WDR75: variants seen among roughly 807,000 people sequenced by gnomAD.
WDR75 encodes WD repeat domain 75.
A neutral mutation model predicts 106.1 loss-of-function variants in WDR75; 52 were observed. That is an observed-to-expected ratio of 0.49 (90% CI 0.39 to 0.62). The LOEUF is 0.62. Among genes scored for constraint, WDR75 ranks in the 20% least tolerant of loss-of-function variants. The probability of loss-of-function intolerance (pLI) is 0.00; values close to 1 mark genes in which losing one functional copy is unlikely to be tolerated. For synonymous variants in WDR75, 333 were observed against 335.5 expected (o/e 0.99, Z 0.08); for missense variants, 905 against 970.3 (o/e 0.93, Z 0.89).
At chr2:189,458,968 C>G (rs1330139583) in intron 7 of WDR75, 96 bp downstream of exon 7, 2 of 1,357,954 alleles carry the variant, frequency 1.5e-6, no homozygotes, top group Non-Finnish European at 1.9e-6. Context: ...GAAACAGCCT[C>G]CCTTTCCTTT....
chr2:189,468,269 C>T (rs1235294444), intron 14 of WDR75, among the ~76,000 whole-genome samples: 2 of 152,080 alleles, frequency 1.3e-5, no homozygotes, highest in South Asian at 4.1e-4. Context: ...ATTGGTCATC[C>T]GTTCTGTTTT....
Position 189,450,685 on chromosome 2 carries a change from CTCTT to C in WDR75, c.217-216_217-213del, listed in dbSNP as rs1686600075. On this transcript the variant is annotated intron_variant, in intron 2 of 20. Coordinates refer to ENST00000314761, the MANE Select transcript of WDR75 (RefSeq NM_032168.3). ...GACAGAAAGTTGGCTTTTTTCCTCT[CTCTT>C]TTAGTTAAAACTTGAAATGGATGGA... 12 of 1,351,842 alleles carry C rather than the reference CTCTT, an allele frequency of 8.9e-6. No individual in the cohort carries two copies. The South Asian group carries it at 2.0e-4, about 22-fold the overall frequency. The allele number at this position is 1,351,842 out of a possible 1,614,324, so 83.7% of individuals were successfully genotyped here.
At chr2:189,455,170 G>C (rs563287172) in intron 4 of WDR75, 150 bp from the exon 5 acceptor site, 1 of 796,778 alleles carries the variant, frequency 1.3e-6, no homozygotes, top group Admixed American at 3.3e-5. Context: ...GAACCTGGGA[G>C]GCAGAGGTTG....
At chr2:189,451,935 C>A in intron 4 of WDR75, 40 bp downstream of exon 4, 1 of 1,492,872 alleles carries the variant, frequency 6.7e-7, no homozygotes. Flanking sequence ...CATTGAGTGG[C>A]TCTTTACATT....
At chr2:189,458,009 C>T (rs931632461) in intron 6 of WDR75, among the ~76,000 whole-genome samples, 3 of 150,074 alleles carry the variant, frequency 2.0e-5, no homozygotes, top group African/African-American at 7.4e-5. Flanking sequence ...CTGTAACCTC[C>T]GCCTCCCGGG....
At chr2:189,460,569 A>G (rs1686858212) in intron 8 of WDR75, among the ~76,000 whole-genome samples, 1 of 150,590 alleles carries the variant, frequency 6.6e-6, no homozygotes, top group Non-Finnish European at 1.5e-5. Context: ...CAGTGGCACC[A>G]TCTTGGCTCA....
chr2:189,445,988 A>C (rs1686492929), intron 1 of WDR75, among the ~76,000 whole-genome samples: 1 of 152,092 alleles, frequency 6.6e-6, no homozygotes, highest in Non-Finnish European at 1.5e-5. Flanking sequence ...TTTTCTGAGG[A>C]AGCTTATCAG....
intron 18 of WDR75, among the ~76,000 whole-genome samples, chr2:189,472,152 G>A (rs561299656): frequency 2.6e-5 from 4 of 152,250 alleles, no homozygotes; most frequent in Admixed American, 1.3e-4. Context: ...CTAAACTTGC[G>A]GTATTCACAG....
At chr2:189,455,130 A>G (rs1054387354) in intron 4 of WDR75, among the ~76,000 whole-genome samples, 190 bp from the exon 5 acceptor site, 1 of 151,970 alleles carries the variant, frequency 6.6e-6, no homozygotes, top group Non-Finnish European at 1.5e-5. Context: ...AGTCCCAGCT[A>G]CTCAGGAGGC....
intron 16 of WDR75, among the ~76,000 whole-genome samples, 157 bp downstream of exon 16, chr2:189,469,596 T>C (rs898501294): frequency 2.0e-4 from 30 of 152,190 alleles, no homozygotes; most frequent in African/African-American, 6.5e-4. Context: ...TGTCATTGTG[T>C]GCGTCCATAC....
At chr2:189,468,672 T>C (rs1687054759) in intron 15 of WDR75, 103 bp downstream of exon 15, 4 of 1,163,866 alleles carry the variant, frequency 3.4e-6, no homozygotes, top group Non-Finnish European at 3.8e-6. Flanking sequence ...AGGTCTGTAC[T>C]TGGAATAGTC....
At position 189,441,503 on chromosome 2, in the gene WDR75, A is replaced by G. The variant is rs781461431; in HGVS notation, c.11A>G (p.Glu4Gly). The G allele has an allele frequency of 7.7e-6, 12 of 1,563,980 alleles. No individual in the cohort carries two copies. The South Asian group carries it at 1.4e-4, about 18-fold the overall frequency. The change falls in exon 1 of 21, where the codon GAG becomes GGG. Residue 4 changes from glutamate (E) to glycine (G), a missense_variant. Coordinates refer to ENST00000314761, the MANE Select transcript of WDR75 (RefSeq NM_032168.3). ...CGCTACTGCGCAAAGATGGTGGAGG[A>G]GGAGAACATCCGCGTGGTTCGTTGT... MVEEENIRVVRCGG... is the reference protein window; with the variant it reads MVEGENIRVVRCGG...
intron 20 of WDR75, 132 bp from the exon 21 acceptor site, chr2:189,475,081 T>G: frequency 1.3e-6 from 1 of 769,080 alleles, no homozygotes; most frequent in Non-Finnish European, 2.0e-6. Flanking sequence ...AACCCATAAT[T>G]TTTAAAGTGT....
Position 189,451,887 on chromosome 2 carries a change from A to G in WDR75, c.365A>G (p.Glu122Gly), listed in dbSNP as rs781176884. 3 of 1,612,040 alleles carry G rather than the reference A, an allele frequency of 1.9e-6. No homozygotes were observed. Among genetic ancestry groups the G allele is most frequent in the African/African-American group, 2.7e-5 (2 of 75,018 alleles). Reference protein sequence around the residue: ...EDSVFVIVNKEKPDIFQLVSV... With the variant: ...EDSVFVIVNKGKPDIFQLVSV... The stretch of plus-strand genomic sequence containing the variant: ...TCTGTCTTTGTTATAGTGAATAAAG[A>G]AAAACCAGGTATGGTATAATTAACT... Residue 122 changes from glutamate to glycine, a missense_variant, in exon 4 of 21, where the codon GAA becomes GGA. Coordinates refer to ENST00000314761, the MANE Select transcript of WDR75 (RefSeq NM_032168.3).
intron 19 of WDR75, 133 bp downstream of exon 19, chr2:189,474,465 A>C: frequency 9.1e-7 from 1 of 1,098,802 alleles, no homozygotes; most frequent in Non-Finnish European, 1.3e-6. Context: ...CTAACAACAA[A>C]CCGAGTAACT....
intron 8 of WDR75, among the ~76,000 whole-genome samples, chr2:189,460,095 G>T (rs1413234153): frequency 6.6e-6 from 1 of 152,218 alleles, no homozygotes; most frequent in Non-Finnish European, 1.5e-5. Context: ...AGTACATCTT[G>T]TCTTTGTTTA....
At position 189,449,635 on chromosome 2, in the gene WDR75, CA is replaced by C. The variant is rs1212817660; in HGVS notation, c.216+1128del. 17 of 1,031,136 alleles carry C rather than the reference CA, an allele frequency of 1.6e-5. No individual in the cohort carries two copies. The East Asian group carries it at 1.1e-3, about 64-fold the overall frequency. The allele number at this position is 1,031,136 out of a possible 1,614,324, so 63.9% of individuals were successfully genotyped here. A position where few individuals can be genotyped will look rare whatever the true frequency, so the allele number is the denominator to read the frequency against. On this transcript the variant is annotated intron_variant, in intron 2 of 20. Transcript: ENST00000314761. ...AGTTTTATCAGATTTGGTTGAGGTG[CA>C]GGGGCAGCAGTTCTGGACTTAGGAG...
In WDR75 at chr2:189,470,172, T is replaced by C. The variant is rs2105573442; in HGVS notation, c.1916T>C (p.Val639Ala). The C allele has an allele frequency of 3.1e-6, 5 of 1,613,686 alleles. No individual in the cohort carries two copies. In the East Asian group the frequency reaches 1.1e-4, roughly 36 times the overall value. ...TGGGGAGTGTTTGTTCCACGAGATG[T>C]CCCTGAATCCTTCACCTCAGAAGCT... ...VQWGVFVPRDVPESFTSEAYQ... is the reference protein window; with the variant it reads ...VQWGVFVPRDAPESFTSEAYQ... The change falls in exon 17 of 21, where the codon GTC becomes GCC. Residue 639 changes from valine to alanine, a missense_variant. Transcript: ENST00000314761.
Position 189,462,489 on chromosome 2 carries a change from A to T in WDR75, c.784A>T (p.Ser262Cys). 1 of 1,613,834 alleles carries T rather than the reference A, an allele frequency of 6.2e-7. No individual in the cohort carries two copies. Among genetic ancestry groups the T allele is most frequent in the Non-Finnish European group, 8.5e-7 (1 of 1,179,796 alleles). Residue 262 changes from serine (S) to cysteine (C), a missense_variant, in exon 9 of 21, where the codon AGT becomes TGT. Physicochemically the swap from Ser to Cys is moderately radical, Grantham distance 112. Transcript: ENST00000314761. ...TTCCTTGAATGGATATGAAGGCACC[A>T]GTCTGCTGAGTGGCGGTCGTGAATC... Reference protein sequence around the residue: ...MDLAFSVTGTSLLSGGRESVL... With the variant: ...MDLAFSVTGTCLLSGGRESVL...
Sources: gnomAD v4.1 joint callset for allele counts (sites outside exome capture counted in the v4.1 genomes callset) on GRCh38, gnomAD v4.1.1 for gene constraint, MANE v1.5 for transcripts, NCBI Gene and HGNC (gene_info 2026-07-23, HGNC 2026-07-21) for gene names.